DHRS11: variants seen among roughly 807,000 people sequenced by gnomAD.
DHRS11 encodes dehydrogenase/reductase SDR family member 11.
A neutral mutation model predicts 30.7 loss-of-function variants in DHRS11; 18 were observed. That is an observed-to-expected ratio of 0.59 (90% CI 0.41 to 0.87). The LOEUF is 0.87. Ranked by LOEUF, DHRS11 falls within the 40% of genes least tolerant of loss-of-function variation. The pLI, the probability that DHRS11 is intolerant of heterozygous loss-of-function variation, is 0.00. For missense variants in DHRS11, 300 were observed against 349.0 expected (o/e 0.86, Z 1.12); for synonymous variants, 123 against 139.6 (o/e 0.88, Z 0.84).
In DHRS11 at chr17:36,599,441, T is replaced by TGAAA. The variant is rs1463048682; in HGVS notation, c.583-230_583-229insGAAA. 19 of 586,926 alleles carry TGAAA rather than the reference T, an allele frequency of 3.2e-5. No individual in the cohort carries two copies. The Admixed American group carries it at 5.6e-4, about 17-fold the overall frequency. 36.4% of individuals were successfully genotyped at this position (586,926 alleles called of 1,614,324 possible). A position where few individuals can be genotyped will look rare whatever the true frequency, so the allele number is the denominator to read the frequency against. On this transcript the variant is annotated intron_variant, in intron 4 of 6. Coordinates refer to ENST00000618403, the MANE Select transcript of DHRS11 (RefSeq NM_024308.4). Reference sequence around the variant, plus strand: ...TTGTGAAAAGGAGATGATGAGCTTTTCAGGGACACTTTTTTGTAAAACGTT... The same window carrying TGAAA: ...TTGTGAAAAGGAGATGATGAGCTTTTGAAACAGGGACACTTTTTTGTAAAACGTT...
intron 1 of DHRS11, among the ~76,000 whole-genome samples, chr17:36,594,230 G>A (rs1008129652): frequency 1.3e-5 from 2 of 152,174 alleles, no homozygotes; most frequent in Non-Finnish European, 2.9e-5. Context: ...TCAGAGATGA[G>A]GGACTGGCTG....
intron 1 of DHRS11, chr17:36,594,682 T>C: frequency 1.9e-6 from 1 of 524,802 alleles, no homozygotes; most frequent in Non-Finnish European, 3.4e-6. Context: ...TCCAAAGTGT[T>C]GGGATTACAG....
intron 2 of DHRS11, chr17:36,597,002 C>T (rs886691810): frequency 4.8e-6 from 2 of 412,460 alleles, no homozygotes; most frequent in Non-Finnish European, 9.8e-6. Flanking sequence ...CCTACAGCTC[C>T]TTTCAGCTTG....
intron 4 of DHRS11, 98 bp downstream of exon 4, chr17:36,599,148 A>C: frequency 6.7e-7 from 1 of 1,487,450 alleles, no homozygotes; most frequent in South Asian, 1.3e-5. Flanking sequence ...TGTGCCGCTC[A>C]GAGCTCCTGG....
At chr17:36,599,579 A>G in intron 4 of DHRS11, 92 bp from the exon 5 acceptor site, 2 of 1,317,156 alleles carry the variant, frequency 1.5e-6, no homozygotes, top group Non-Finnish European at 2.2e-6. Context: ...ATCACTGTGA[A>G]GCTGGGGTTC....
intron 5 of DHRS11, 49 bp from the exon 6 acceptor site, chr17:36,599,923 T>C (rs1241537535): frequency 1.3e-5 from 21 of 1,605,028 alleles, no homozygotes; most frequent in Middle Eastern, 1.7e-4. Context: ...TGGGAGGGAA[T>C]TTGAGTCCAT....
At chr17:36,596,664 T>G in intron 2 of DHRS11, 1 of 392,810 alleles carries the variant, frequency 2.5e-6, no homozygotes, top group South Asian at 2.0e-5. Flanking sequence ...TTAAAATGTT[T>G]TGAAACTGTG....
chr17:36,600,188 GGAGCAGGT>G lies in DHRS11; in HGVS notation c.771_778del (p.Glu257AspfsTer24). 2 of 1,614,086 alleles carry G rather than the reference GGAGCAGGT, an allele frequency of 1.2e-6. No individual in the cohort carries two copies. The highest frequency in any genetic ancestry group is 1.7e-6 in the Non-Finnish European group (2 of 1,180,016). On this transcript the variant is annotated frameshift_variant, in exon 7 of 7. Coordinates refer to ENST00000618403, the MANE Select transcript of DHRS11 (RefSeq NM_024308.4). LOFTEE classifies it high-confidence loss of function. The stretch of plus-strand genomic sequence containing the variant: ...TTGGAGACATCCAGATGAGGCCCAC[GGAGCAGGT>G]GACCTAGTGACTGTGGGAGCTCCTC...
At chr17:36,599,859 G>T in intron 5 of DHRS11, 96 bp downstream of exon 5, 3 of 1,586,350 alleles carry the variant, frequency 1.9e-6, no homozygotes, top group Non-Finnish European at 2.6e-6. Context: ...AGCCTTTGTG[G>T]CTCCTCCTGG....
intron 3 of DHRS11, chr17:36,598,545 G>A: frequency 1.8e-6 from 1 of 540,568 alleles, no homozygotes; most frequent in East Asian, 3.2e-5. Context: ...ATGGCACAAA[G>A]AGTACTATGT....
At position 36,592,081 on chromosome 17, in the gene DHRS11, C is replaced by A; in HGVS notation, c.72C>A (p.Gly24=). The A allele has an allele frequency of 8.0e-7, 1 of 1,243,566 alleles. No homozygotes were observed. The highest frequency in any genetic ancestry group is 1.0e-6 in the Non-Finnish European group (1 of 993,350). 77.0% of individuals were successfully genotyped at this position (1,243,566 alleles called of 1,614,324 possible). ...ALVTGASGGI[G]AAVARALVQQ... Reference sequence around the variant, plus strand: ...TGACGGGGGCCTCGGGGGGCATCGGCGCGGCCGTGGCCCGGGCCCTGGTCC... The same window carrying A: ...TGACGGGGGCCTCGGGGGGCATCGGAGCGGCCGTGGCCCGGGCCCTGGTCC... Residue 24 remains glycine (G), a synonymous_variant, in exon 1 of 7, where the codon GGC becomes GGA. Transcript: ENST00000618403. This position sits in a 1 kb window ranked among gnomAD's most constrained non-coding sequence, Gnocchi z 4.4.
At chr17:36,600,082 G>T (rs773005513) in intron 6 of DHRS11, 45 bp downstream of exon 6, 1 of 1,613,602 alleles carries the variant, frequency 6.2e-7, no homozygotes, top group Non-Finnish European at 8.5e-7. Context: ...AACCCAACCA[G>T]CCCCAGAGGA....
At chr17:36,594,651 C>G (rs2074794498) in intron 1 of DHRS11, 4 of 441,768 alleles carry the variant, frequency 9.1e-6, no homozygotes, top group East Asian at 3.9e-5. Context: ...CTGACCTCAA[C>G]TGGTCCACCC....
intron 1 of DHRS11, among the ~76,000 whole-genome samples, chr17:36,594,310 T>C (rs554891159): frequency 6.6e-6 from 1 of 152,132 alleles, no homozygotes; most frequent in African/African-American, 2.4e-5. Flanking sequence ...CATGAAGTGG[T>C]GGAGAGGCGC....
At chr17:36,593,351 G>A (rs2074783872) in intron 1 of DHRS11, among the ~76,000 whole-genome samples, 1 of 152,144 alleles carries the variant, frequency 6.6e-6, no homozygotes, top group African/African-American at 2.4e-5. Context: ...ATTACTGAGG[G>A]GAGGTAGGGA....
chr17:36,599,844 C>T, intron 5 of DHRS11, 81 bp downstream of exon 5: 1 of 1,593,396 alleles, frequency 6.3e-7, no homozygotes, highest in Non-Finnish European at 8.6e-7. Context: ...AGACTCCACT[C>T]TTCCAGCCTT....
At position 36,599,961 on chromosome 17, in the gene DHRS11, G is replaced by T. The variant is rs1346163028; in HGVS notation, c.676-11G>T. 4 of 1,613,252 alleles carry T rather than the reference G, an allele frequency of 2.5e-6. No individual in the cohort carries two copies. The highest frequency in any genetic ancestry group is 3.4e-6 in the Non-Finnish European group (4 of 1,179,736). On this transcript the variant is annotated splice_polypyrimidine_tract_variant and intron_variant, in intron 5 of 6. Coordinates refer to ENST00000618403, the MANE Select transcript of DHRS11 (RefSeq NM_024308.4). ...TGTCCTTGTCTCAACCCATTCCCCT[G>T]GTGCTCTCAGTGTCTCAAACCCGAG...
rs755399647 is a variant in DHRS11, at chr17:36,595,155, C to A, written c.332C>A (p.Thr111Asn). Residue 111 changes from threonine (T) to asparagine (N), a missense_variant, in exon 2 of 7, where the codon ACC becomes AAC. Coordinates refer to ENST00000618403, the MANE Select transcript of DHRS11 (RefSeq NM_024308.4). ...ARPDTLLSGSTSGWKDMFNVN... is the reference protein window; with the variant it reads ...ARPDTLLSGSNSGWKDMFNVN... Reference sequence around the variant, plus strand: ...CCTGACACCCTGCTCTCAGGCAGCACCAGTGGTTGGAAGGACATGTTCAAT... The same window carrying A: ...CCTGACACCCTGCTCTCAGGCAGCAACAGTGGTTGGAAGGACATGTTCAAT... 2 of 1,613,752 alleles carry A rather than the reference C, an allele frequency of 1.2e-6. No homozygotes were observed. The highest frequency in any genetic ancestry group is 2.2e-5 in the East Asian group (1 of 44,880).
At chr17:36,596,182 G>A (rs796893252) in intron 2 of DHRS11, 7 of 151,046 alleles carry the variant, frequency 4.6e-5, no homozygotes, top group African/African-American at 1.5e-4. Context: ...TTTTTGAGGC[G>A]AAGTCTTGCT....
Sources: gnomAD v4.1 joint callset for allele counts (sites outside exome capture counted in the v4.1 genomes callset) on GRCh38, gnomAD v4.1.1 for gene constraint, Gnocchi (gnomAD v3.1) non-coding constraint, MANE v1.5 for transcripts, NCBI Gene and HGNC (gene_info 2026-07-23, HGNC 2026-07-21) for gene names.